PZP: variants seen among roughly 807,000 people sequenced by gnomAD.
PZP encodes the protein pregnancy zone protein.
In PZP, 150 loss-of-function variants were observed where a neutral mutation model predicts 179.8. That is an observed-to-expected ratio of 0.83 (90% CI 0.73 to 0.96). The LOEUF (loss-of-function observed/expected upper bound fraction) is 0.96. Ranked by LOEUF, PZP falls within the 40% of genes least tolerant of loss-of-function variation. PZP has a pLI of 0.00. For synonymous variants in PZP, 624 were observed against 652.3 expected (o/e 0.96, Z 0.66); for missense variants, 1,689 against 1,764.0 (o/e 0.96, Z 0.76).
At chr12:9,155,663 C>T (rs1187410638) in intron 28 of PZP, among the ~76,000 whole-genome samples, 10 of 152,142 alleles carry the variant, frequency 6.6e-5, no homozygotes, top group Admixed American at 6.5e-4. Flanking sequence ...CTAAATGACA[C>T]TCTTTCAAAT....
intron 15 of PZP, among the ~76,000 whole-genome samples, chr12:9,174,356 G>A (rs1018005380): frequency 6.6e-6 from 1 of 152,080 alleles, no homozygotes; most frequent in African/African-American, 2.4e-5. Flanking sequence ...CAAACACACA[G>A]CCAATATCAT....
intron 15 of PZP, among the ~76,000 whole-genome samples, chr12:9,173,549 A>G (rs11532270): frequency 6.6e-6 from 1 of 152,064 alleles, no homozygotes; most frequent in Non-Finnish European, 1.5e-5. Flanking sequence ...GGTTTTTTTG[A>G]AAAAAAGTTA....
intron 2 of PZP, 131 bp downstream of exon 2, chr12:9,203,636 TG>T: frequency 9.3e-7 from 1 of 1,074,442 alleles, no homozygotes; most frequent in Non-Finnish European, 1.3e-6. Context: ...CCACCGCACC[TG>T]GCCCCTGAAG....
At position 9,194,119 on chromosome 12, in the gene PZP, T is replaced by A. The variant is rs1943608307; in HGVS notation, c.1212A>T (p.Ser404=). The part of the protein sequence containing the change: ...TTNEQGLAQF[S]INTTSISVNK... ...TAACCGAGATACTGGTAGTATTGAT[T>A]GAAAACTGTGCAAGACCCTGCTCAT... The change falls in exon 11 of 36, where the codon TCA becomes TCT. Residue 404 remains serine, a synonymous_variant. Coordinates refer to ENST00000261336, the MANE Select transcript of PZP (RefSeq NM_002864.3). 5 of 1,613,854 alleles carry A rather than the reference T, an allele frequency of 3.1e-6. No individual in the cohort carries two copies. The highest frequency in any genetic ancestry group is 1.7e-5 in the Admixed American group (1 of 59,992).
chr12:9,203,719 CAATAAA>C, intron 2 of PZP, 43 bp downstream of exon 2: 1 of 1,593,752 alleles, frequency 6.3e-7, no homozygotes, highest in Non-Finnish European at 8.6e-7. Flanking sequence ...CTATAGAGCT[CAATAAA>C]ATGTATCAAG....
In PZP at chr12:9,208,379, GC is replaced by G; in HGVS notation, c.-39del. ...ATCTCAGGGTTGTGTCCAACTCTCT[GC>G]CCTCAGCCTCGCCCTGGAGACCAGC... On this transcript the variant is annotated 5_prime_UTR_variant, in exon 1 of 36. Coordinates refer to ENST00000261336, the MANE Select transcript of PZP (RefSeq NM_002864.3). The G allele has an allele frequency of 6.4e-7, 1 of 1,555,816 alleles. No homozygotes were observed. The highest frequency in any genetic ancestry group is 8.9e-7 in the Non-Finnish European group (1 of 1,128,730).
intron 22 of PZP, chr12:9,162,387 G>C: frequency 1.9e-6 from 1 of 539,510 alleles, no homozygotes; most frequent in Non-Finnish European, 3.3e-6. Context: ...CCAGGTATTA[G>C]TCCTGTCTGT....
At chr12:9,173,044 G>T (rs913413951) in intron 15 of PZP, among the ~76,000 whole-genome samples, 1 of 152,154 alleles carries the variant, frequency 6.6e-6, no homozygotes, top group African/African-American at 2.4e-5. Flanking sequence ...TTGCCACATG[G>T]CATTTACTCT....
chr12:9,160,475 G>C lies in PZP; in HGVS notation c.2888C>G (p.Ser963Cys). The C allele has an allele frequency of 6.2e-7, 1 of 1,613,318 alleles. No individual in the cohort carries two copies. Among genetic ancestry groups the C allele is most frequent in the Non-Finnish European group, 8.5e-7 (1 of 1,179,538 alleles). ...GAGATTTTGTATATTTTGCATAGCAGAACCTAATATGTCACCTGGGGAATG... is the reference window on the plus strand; with the variant it reads ...GAGATTTTGTATATTTTGCATAGCACAACCTAATATGTCACCTGGGGAATG... ...SFSVLGDILGSAMQNIQNLLQ... is the reference protein window; with the variant it reads ...SFSVLGDILGCAMQNIQNLLQ... Residue 963 changes from serine to cysteine, a missense_variant, in exon 24 of 36, where the codon TCT (serine) becomes TGT (cysteine). Physicochemically the swap from Ser to Cys is moderately radical, Grantham distance 112 (BLOSUM62 -1). Around this residue, in one of 3 missense-constraint regions of PZP, gnomAD observed 746 missense variants for 749.2 expected, o/e 1.00. Coordinates refer to ENST00000261336, the MANE Select transcript of PZP (RefSeq NM_002864.3).
intron 31 of PZP, among the ~76,000 whole-genome samples, chr12:9,152,589 C>G (rs1940438996): frequency 6.6e-6 from 1 of 152,128 alleles, no homozygotes; most frequent in Non-Finnish European, 1.5e-5. Flanking sequence ...TTTAACATAT[C>G]TATGGTTTTT....
chr12:9,179,043 T>C (rs1031443078), intron 15 of PZP, among the ~76,000 whole-genome samples: 55 of 152,174 alleles, frequency 3.6e-4, no homozygotes, highest in African/African-American at 1.3e-3. Flanking sequence ...TTTTAAATGG[T>C]GATTCATGAG....
At chr12:9,185,755 T>A (rs1378958892) in intron 13 of PZP, among the ~76,000 whole-genome samples, 1 of 148,992 alleles carries the variant, frequency 6.7e-6, no homozygotes, top group African/African-American at 2.5e-5. Flanking sequence ...GCAGACACCC[T>A]ACAAGCCATA....
chr12:9,141,864 T>G, the PZP span, among the ~76,000 whole-genome samples: 1 of 152,202 alleles, frequency 6.6e-6, no homozygotes, highest in African/African-American at 2.4e-5. Context: ...TCCGACTTAT[T>G]CCAGCATTTA....
chr12:9,140,832 G>T, the PZP span, among the ~76,000 whole-genome samples: 1 of 152,118 alleles, frequency 6.6e-6, no homozygotes, highest in Non-Finnish European at 1.5e-5. Context: ...CCAGTTTCCC[G>T]AGAGTTTTAT....
chr12:9,136,638 T>C, the PZP span, among the ~76,000 whole-genome samples: 1 of 152,202 alleles, frequency 6.6e-6, no homozygotes, highest in Non-Finnish European at 1.5e-5. Context: ...CATTTTGCAT[T>C]AACACCAACA....
intron 13 of PZP, among the ~76,000 whole-genome samples, chr12:9,187,077 C>CAAAAAAA (rs59000486): frequency 1.6e-5 from 2 of 128,732 alleles, no homozygotes; most frequent in Non-Finnish European, 3.2e-5. Flanking sequence ...CAAGAAAGGT[C>CAAAAAAA]AAAAAAAAAA....
At chr12:9,167,555 C>T (rs1385757534) in intron 17 of PZP, 1 of 152,136 alleles carries the variant, frequency 6.6e-6, no homozygotes, top group Admixed American at 6.5e-5. Context: ...CCACCTCCAC[C>T]CCTGCTGCTT....
chr12:9,145,490 G>T (rs1409411904), downstream of PZP, among the ~76,000 whole-genome samples: 1 of 152,012 alleles, frequency 6.6e-6, no homozygotes, highest in East Asian at 1.9e-4. Flanking sequence ...TGTGAAAATT[G>T]ATATCTATTT....
Position 9,158,539 on chromosome 12 carries a change from G to C in PZP, c.3175C>G (p.Arg1059Gly). 1 of 1,614,114 alleles carries C rather than the reference G, an allele frequency of 6.2e-7. No individual in the cohort carries two copies. The highest frequency in any genetic ancestry group is 8.5e-7 in the Non-Finnish European group (1 of 1,180,006). ...AFVLKTFAQARSYIFIDEAHI... is the reference protein window; with the variant it reads ...AFVLKTFAQAGSYIFIDEAHI... Reference sequence around the variant, plus strand: ...GCTTCATCAATGAAGATGTAGGATCGAGCCTGGGCGAAAGTCTTCAGTACA... The same window carrying C: ...GCTTCATCAATGAAGATGTAGGATCCAGCCTGGGCGAAAGTCTTCAGTACA... The change falls in exon 26 of 36, where the codon CGA (arginine) becomes GGA (glycine). Residue 1059 changes from arginine to glycine, a missense_variant. By Grantham distance (125) the Arg-to-Gly change is moderately radical (BLOSUM62 -2). Coordinates refer to ENST00000261336, the MANE Select transcript of PZP (RefSeq NM_002864.3).
Sources: allele counts gnomAD v4.1 joint callset (sites outside exome capture counted in the v4.1 genomes callset), GRCh38; gene constraint gnomAD v4.1.1; regional missense constraint gnomAD v4.1.1; transcripts MANE v1.5; gene names NCBI Gene and HGNC (gene_info 2026-07-23, HGNC 2026-07-21).